The following LIN28B variants were observed in gnomAD, a reference collection of about 807,000 sequenced individuals.
LIN28B encodes lin-28 RNA binding posttranscriptional regulator B, also known as protein lin-28 homolog B.
In LIN28B, 5 loss-of-function variants were observed where a neutral mutation model predicts 21.9. That is an observed-to-expected ratio of 0.23 (90% CI 0.12 to 0.48). The LOEUF is 0.48. Ranked by LOEUF, LIN28B falls within the 20% of genes least tolerant of loss-of-function variation. The pLI is 0.98. For missense variants in LIN28B, 245 were observed against 310.5 expected, an observed-to-expected ratio of 0.79 and a Z score of 1.58; for synonymous variants, 109 against 111.3, an observed-to-expected ratio of 0.98 and a Z score of 0.13.
intron 2 of LIN28B, among the ~76,000 whole-genome samples, chr6:104,978,667 G>A (rs1770157744): frequency 6.6e-6 from 1 of 151,852 alleles, no homozygotes; most frequent in South Asian, 2.1e-4. Flanking sequence ...AATCCCTGTA[G>A]CAGGTAAGTG....
intron 2 of LIN28B, among the ~76,000 whole-genome samples, chr6:104,981,693 G>C (rs545746487): frequency 6.6e-6 from 1 of 152,278 alleles, no homozygotes; most frequent in African/African-American, 2.4e-5. Flanking sequence ...CTATTTCCTA[G>C]CTCTTGCTGA....
chr6:105,073,832 T>A (rs2114420170), intron 3 of LIN28B, among the ~76,000 whole-genome samples: 1 of 152,330 alleles, frequency 6.6e-6, no homozygotes, highest in South Asian at 2.1e-4. Context: ...TATTTAAAAA[T>A]TAATGTCTAT....
upstream of LIN28B, among the ~76,000 whole-genome samples, chr6:104,953,743 G>A (rs1013121305): frequency 3.3e-5 from 5 of 152,220 alleles, no homozygotes; most frequent in African/African-American, 1.2e-4. Flanking sequence ...GGAGCGACCT[G>A]CCTGGAGAGG....
chr6:104,967,052 A>G (rs956739376), intron 2 of LIN28B, among the ~76,000 whole-genome samples: 1 of 151,944 alleles, frequency 6.6e-6, no homozygotes, highest in African/African-American at 2.4e-5. Flanking sequence ...ACAGGCGTGA[A>G]TCACCATGCC....
At position 105,047,788 on chromosome 6, in the gene LIN28B, TG is replaced by T. The variant is rs1771801683; in HGVS notation, c.383+21309del. Among the ~76,000 whole-genome samples the T allele has an allele frequency of 1.3e-5, 2 of 152,198 alleles. 1 individual carries two copies. Among genetic ancestry groups the T allele is most frequent in the East Asian group, 3.8e-4 (2 of 5,198 alleles). On this transcript the variant is annotated intron_variant, in intron 3 of 3. Coordinates refer to ENST00000345080, the MANE Select transcript of LIN28B (RefSeq NM_001004317.4). ...TTATTCTCTTTGAAGCAATTGTGAA[TG>T]GGAGTTCACTCATGATTTGGCTCTC... is the stretch of plus-strand genomic sequence containing the variant.
chr6:105,051,448 A>G (rs1333311835), intron 3 of LIN28B, among the ~76,000 whole-genome samples: 2 of 151,932 alleles, frequency 1.3e-5, no homozygotes, highest in Admixed American at 1.3e-4. Flanking sequence ...GAAAAAAAAA[A>G]AGAAAGAAAA....
chr6:104,948,216 C>A (rs1448441712), intron 2 of LIN28B, among the ~76,000 whole-genome samples: 1 of 152,146 alleles, frequency 6.6e-6, no homozygotes, highest in Non-Finnish European at 1.5e-5. Context: ...TGCCTGTAAT[C>A]CCAGCACTTT....
At chr6:104,969,719 T>C (rs1485567802) in intron 2 of LIN28B, among the ~76,000 whole-genome samples, 2 of 152,210 alleles carry the variant, frequency 1.3e-5, no homozygotes, top group Non-Finnish European at 2.9e-5. Flanking sequence ...TTTTGAAATG[T>C]AATGATTACT....
chr6:105,051,121 A>G (rs911460586), intron 3 of LIN28B, among the ~76,000 whole-genome samples: 1 of 151,382 alleles, frequency 6.6e-6, no homozygotes, highest in African/African-American at 2.4e-5. Flanking sequence ...TCTAAAAGAA[A>G]AAAATGTAGT....
At chr6:105,025,686 G>A (rs1405740160) in intron 2 of LIN28B, among the ~76,000 whole-genome samples, 1 of 152,118 alleles carries the variant, frequency 6.6e-6, no homozygotes, top group Non-Finnish European at 1.5e-5. Context: ...GAAGGCTGAG[G>A]CTAGAAAATC....
intron 3 of LIN28B, among the ~76,000 whole-genome samples, chr6:105,062,275 C>T (rs1246192689): frequency 6.6e-6 from 1 of 152,044 alleles, no homozygotes; most frequent in African/African-American, 2.4e-5. Context: ...TCATCCCTCT[C>T]GCTCTCAGTA....
chr6:105,058,937 TG>T (rs1406695145), intron 3 of LIN28B, among the ~76,000 whole-genome samples: 1 of 152,198 alleles, frequency 6.6e-6, no homozygotes, highest in African/African-American at 2.4e-5. Context: ...ATATAGTACA[TG>T]GCTTTGGAAA....
In LIN28B at chr6:105,079,626, C is replaced by T. The variant is rs956265801; in HGVS notation, c.*843C>T. On this transcript the variant is annotated 3_prime_UTR_variant, in exon 4 of 4. Coordinates refer to ENST00000345080, the MANE Select transcript of LIN28B (RefSeq NM_001004317.4). ...CTTGTTTTCAGTAGTATTTTAATAT[C>T]AGCTTCTTGTAACCTTTTCCATGTT... The T allele has an allele frequency of 1.6e-4, 24 of 152,504 alleles. No individual in the cohort carries two copies. The highest frequency in any genetic ancestry group is 5.8e-4 in the African/African-American group (24 of 41,402). The allele number at this position is 152,504 out of a possible 1,614,324, so 9.4% of individuals were successfully genotyped here. A position where few individuals can be genotyped will look rare whatever the true frequency, so the allele number is the denominator to read the frequency against.
intron 2 of LIN28B, among the ~76,000 whole-genome samples, chr6:105,020,747 CTTTT>C (rs1176851045): frequency 2.9e-3 from 248 of 85,428 alleles, no homozygotes; most frequent in African/African-American, 0.013. Flanking sequence ...TCATTCCACT[CTTTT>C]TTTTTTTTTT....
At chr6:104,996,901 C>T (rs1211907875) in intron 2 of LIN28B, among the ~76,000 whole-genome samples, 1 of 152,110 alleles carries the variant, frequency 6.6e-6, no homozygotes, top group African/African-American at 2.4e-5. Flanking sequence ...AGGAAGATCA[C>T]TTCACCCCAG....
At chr6:105,039,697 A>C (rs1771593457) in intron 3 of LIN28B, among the ~76,000 whole-genome samples, 1 of 152,142 alleles carries the variant, frequency 6.6e-6, no homozygotes. Context: ...TTATTTTGAA[A>C]CCTTCAGTAG....
chr6:104,962,636 C>G (rs1409997416), intron 2 of LIN28B, among the ~76,000 whole-genome samples: 4 of 151,948 alleles, frequency 2.6e-5, no homozygotes, highest in Non-Finnish European at 5.9e-5. Context: ...ATCAATTGAT[C>G]TAATATAGAG....
At chr6:105,076,655 T>C (rs1460027282) in intron 3 of LIN28B, among the ~76,000 whole-genome samples, 1 of 152,080 alleles carries the variant, frequency 6.6e-6, no homozygotes, top group Non-Finnish European at 1.5e-5. Context: ...GTCGCCAGGC[T>C]GGAGTGCAGT....
rs75709126 is a variant in LIN28B, at chr6:105,077,686, C to T, written c.384-728C>T. ...TTAACTTTTCTCATCATTGAACTAG[C>T]ATGAACCTTTATTAATTCAATCTAA... On this transcript the variant is annotated intron_variant, in intron 3 of 3. Transcript: ENST00000345080. 9.4e-3 allele frequency among the ~76,000 whole-genome samples: 1,432 copies of T among 152,300 alleles called. 20 individuals carry two copies. Among genetic ancestry groups the T allele is most frequent in the African/African-American group, 0.033 (1,375 of 41,568 alleles).
Sources: gnomAD v4.1 joint callset for allele counts (sites outside exome capture counted in the v4.1 genomes callset) on GRCh38, gnomAD v4.1.1 for gene constraint, MANE v1.5 for transcripts, NCBI Gene and HGNC (gene_info 2026-07-23, HGNC 2026-07-21) for gene names.